The following TUSC3 variants were observed in gnomAD, a reference collection of about 807,000 sequenced individuals.
The protein encoded by TUSC3 is dolichyl-diphosphooligosaccharide--protein glycosyltransferase subunit TUSC3.
A neutral mutation model predicts 44.8 loss-of-function variants in TUSC3; 45 were observed. The observed-to-expected ratio is 1.00, with a 90% confidence interval of 0.79 to 1.29. The LOEUF (loss-of-function observed/expected upper bound fraction) is 1.29, where lower values mean the gene tolerates loss of function less well. TUSC3 is among the 50% of genes most tolerant of loss of function. The pLI is 0.00. For missense variants in TUSC3, 519 were observed against 437.9 expected, an observed-to-expected ratio of 1.19 and a Z score of -1.65; for synonymous variants, 212 against 152.9, an observed-to-expected ratio of 1.39 and a Z score of -2.85.
intron 1 of TUSC3, among the ~76,000 whole-genome samples, chr8:15,476,189 G>T (rs1430054157): frequency 6.6e-6 from 1 of 152,108 alleles, no homozygotes; most frequent in Non-Finnish European, 1.5e-5. Flanking sequence ...TCCGTTTAAA[G>T]AATTTTTAAA....
intron 3 of TUSC3, among the ~76,000 whole-genome samples, chr8:15,655,030 A>G (rs1277347775): frequency 6.6e-6 from 1 of 152,224 alleles, no homozygotes; most frequent in Non-Finnish European, 1.5e-5. Context: ...TGGGAAGATT[A>G]AAATAAGATG....
At chr8:15,640,997 A>G (rs955457708) in intron 2 of TUSC3, among the ~76,000 whole-genome samples, 2 of 152,192 alleles carry the variant, frequency 1.3e-5, no homozygotes, top group African/African-American at 2.4e-5. Flanking sequence ...TGTACTAGAC[A>G]TACCTCTTTG....
intron 1 of TUSC3, among the ~76,000 whole-genome samples, chr8:15,595,184 C>A (rs767135233): frequency 1.3e-5 from 2 of 152,218 alleles, no homozygotes; most frequent in Non-Finnish European, 2.9e-5. Flanking sequence ...GAGAACTGTC[C>A]TGTAGTTCTC....
chr8:15,602,552 A>G (rs1172792925), intron 1 of TUSC3, among the ~76,000 whole-genome samples: 1 of 151,592 alleles, frequency 6.6e-6, no homozygotes, highest in African/African-American at 2.4e-5. Flanking sequence ...TGGGGTTTGC[A>G]GTCAGACAGG....
chr8:15,774,492 C>G, the TUSC3 span, among the ~76,000 whole-genome samples: 1 of 152,128 alleles, frequency 6.6e-6, no homozygotes, highest in Non-Finnish European at 1.5e-5. Context: ...AAACCAATAG[C>G]TAGGAAGAGG....
upstream of TUSC3, among the ~76,000 whole-genome samples, chr8:15,539,679 A>G (rs74351100): frequency 4.6e-5 from 7 of 152,090 alleles, no homozygotes; most frequent in Non-Finnish European, 7.4e-5. Flanking sequence ...TATTCATAGA[A>G]TAGAAATTGA....
At chr8:15,423,769 A>G (rs569802264) in intron 1 of TUSC3, among the ~76,000 whole-genome samples, 1 of 152,092 alleles carries the variant, frequency 6.6e-6, no homozygotes, top group East Asian at 1.9e-4. Flanking sequence ...AGTAAGTCTG[A>G]GGTAAATGGA....
At chr8:15,452,264 C>T (rs548496995) in intron 1 of TUSC3, among the ~76,000 whole-genome samples, 1 of 152,260 alleles carries the variant, frequency 6.6e-6, no homozygotes, top group East Asian at 1.9e-4. Context: ...CTTCTCACTT[C>T]CTCCTCTTTC....
chr8:15,617,028 C>G (rs1409375422), intron 1 of TUSC3, among the ~76,000 whole-genome samples: 1 of 151,824 alleles, frequency 6.6e-6, no homozygotes, highest in Non-Finnish European at 1.5e-5. Context: ...TTGAAAGAAT[C>G]CTGTGTAATC....
chr8:15,517,699 C>T (rs1200007229), intron 2 of TUSC3, among the ~76,000 whole-genome samples: 5 of 152,162 alleles, frequency 3.3e-5, no homozygotes, highest in Admixed American at 3.3e-4. Flanking sequence ...AATTGCTAAT[C>T]ATCAGCTGTA....
At position 15,540,394 on chromosome 8, in the gene TUSC3, C is replaced by T; in HGVS notation, c.-37C>T. 1 of 1,526,234 alleles carries T rather than the reference C, an allele frequency of 6.6e-7. No individual in the cohort carries two copies. The highest frequency in any genetic ancestry group is 8.8e-7 in the Non-Finnish European group (1 of 1,136,472). 94.5% of individuals were successfully genotyped at this position (1,526,234 alleles called of 1,614,324 possible). On this transcript the variant is annotated 5_prime_UTR_variant, in exon 1 of 11. The change creates a new upstream start codon in the 5' untranslated region. Coordinates refer to ENST00000503731, the MANE Select transcript of TUSC3 (RefSeq NM_006765.4). ...GTGCGCGGTAGGAGCTGGGCGCGCA[C>T]GGCTACCGCGCGTGGAGGAGACACT...
intron 1 of TUSC3, among the ~76,000 whole-genome samples, chr8:15,433,813 A>G (rs999661147): frequency 6.6e-6 from 1 of 152,164 alleles, no homozygotes. Context: ...CGTTATATGG[A>G]TACATCAACA....
At chr8:15,499,196 T>G (rs897433603) in intron 2 of TUSC3, among the ~76,000 whole-genome samples, 1 of 152,184 alleles carries the variant, frequency 6.6e-6, no homozygotes, top group African/African-American at 2.4e-5. Context: ...TCTCTTTCTA[T>G]GTTTTACTCT....
chr8:15,438,903 T>G (rs1475595521), intron 1 of TUSC3, among the ~76,000 whole-genome samples: 1 of 152,138 alleles, frequency 6.6e-6, no homozygotes, highest in Non-Finnish European at 1.5e-5. Flanking sequence ...GAGGAGAGTT[T>G]AATAAGCACC....
At chr8:15,487,143 T>C (rs1193346353) in intron 2 of TUSC3, among the ~76,000 whole-genome samples, 1 of 152,176 alleles carries the variant, frequency 6.6e-6, no homozygotes, top group African/African-American at 2.4e-5. Context: ...TGTTTGTTTG[T>C]TTAGTTTTAT....
intron 1 of TUSC3, among the ~76,000 whole-genome samples, chr8:15,581,870 A>G (rs1352286722): frequency 2.7e-5 from 3 of 110,660 alleles, no homozygotes; most frequent in East Asian, 3.4e-4. Flanking sequence ...CCGTTTACCT[A>G]ATCAAGCCTG....
chr8:15,589,764 C>G (rs1213194981), intron 1 of TUSC3, among the ~76,000 whole-genome samples: 2 of 152,206 alleles, frequency 1.3e-5, no homozygotes, highest in South Asian at 2.1e-4. Context: ...AGCATACAGC[C>G]TTAGACAACT....
At chr8:15,822,028 C>G in the TUSC3 span, among the ~76,000 whole-genome samples, 32 of 152,178 alleles carry the variant, frequency 2.1e-4, no homozygotes, top group East Asian at 5.8e-3. Flanking sequence ...TAAGATGTAG[C>G]CATTTTCTAG....
At chr8:15,716,280 A>G (rs28410130) in intron 6 of TUSC3, among the ~76,000 whole-genome samples, 11,094 of 152,032 alleles carry the variant, frequency 0.073, 1,206 homozygotes, top group African/African-American at 0.24. Flanking sequence ...AAAAATTCTA[A>G]TTGAAGTTTT....
Sources: allele counts gnomAD v4.1 joint callset (sites outside exome capture counted in the v4.1 genomes callset), GRCh38; gene constraint gnomAD v4.1.1; transcripts MANE v1.5; gene names NCBI Gene and HGNC (gene_info 2026-07-23, HGNC 2026-07-21).